The following ECHDC1 variants were observed in gnomAD, a reference collection of about 807,000 sequenced individuals.
ECHDC1 encodes the protein ethylmalonyl-CoA decarboxylase 1, also known as ethylmalonyl-CoA decarboxylase.
In ECHDC1, 29 loss-of-function variants were observed where a neutral mutation model predicts 29.7. The observed-to-expected ratio is 0.98, with a 90% confidence interval of 0.73 to 1.33. The LOEUF (loss-of-function observed/expected upper bound fraction) is 1.33. Among genes scored for constraint, ECHDC1 ranks in the 40% most tolerant of loss-of-function variants. The pLI is 0.00. For synonymous variants in ECHDC1, 126 were observed against 123.1 expected, an observed-to-expected ratio of 1.02 and a Z score of -0.15; for missense variants, 328 against 350.0, an observed-to-expected ratio of 0.94 and a Z score of 0.50.
rs1481637748 is a variant in ECHDC1, at chr6:127,343,547, C to G, written c.-214G>C. 6.6e-6 allele frequency: 1 copy of G among 152,208 alleles called. No individual in the cohort carries two copies. Among genetic ancestry groups the G allele is most frequent in the Non-Finnish European group, 1.5e-5 (1 of 68,112 alleles). The allele number at this position is 152,208 out of a possible 1,614,324, so 9.4% of individuals were successfully genotyped here. The stretch of plus-strand genomic sequence containing the variant: ...TTTATCCCGTTCCCCTGCCGGTTCC[C>G]GTGACCCCGGAAATCCCGCTCCTGC... On this transcript the variant is annotated 5_prime_UTR_variant, in exon 1 of 6. Coordinates refer to ENST00000454859, the MANE Select transcript of ECHDC1 (RefSeq NM_001002030.2).
intron 5 of ECHDC1, among the ~76,000 whole-genome samples, chr6:127,303,207 T>A (rs1447369435): frequency 6.6e-6 from 1 of 151,962 alleles, no homozygotes; most frequent in Non-Finnish European, 1.5e-5. Context: ...TTTCTACTAC[T>A]ATATGATGCC....
chr6:127,319,192 C>T (rs933232115), intron 3 of ECHDC1, among the ~76,000 whole-genome samples: 4 of 152,186 alleles, frequency 2.6e-5, no homozygotes, highest in Non-Finnish European at 5.9e-5. Flanking sequence ...GTTAGGAGCA[C>T]AGTTTCTAAA....
intron 1 of ECHDC1, among the ~76,000 whole-genome samples, chr6:127,331,616 A>G (rs1430463511): frequency 6.6e-6 from 1 of 152,212 alleles, no homozygotes; most frequent in African/African-American, 2.4e-5. Context: ...ACAATAGGAA[A>G]GCTTAGAAAA....
Position 127,289,949 on chromosome 6 carries a change from C to T in ECHDC1, c.826G>A (p.Glu276Lys), listed in dbSNP as rs776479974. The T allele has an allele frequency of 4.3e-6, 7 of 1,613,520 alleles. No homozygotes were observed. In the East Asian group the frequency reaches 8.9e-5, roughly 21 times the overall value. ...ELYLEEALQN[E>K]RDLLGTVWGG... ...CAAACTGTTCCTAAAAGATCTCTTTCGTTCTGTAATGCTTCCTCCAAATAT... is the reference window on the plus strand; with the variant it reads ...CAAACTGTTCCTAAAAGATCTCTTTTGTTCTGTAATGCTTCCTCCAAATAT... Residue 276 changes from glutamate to lysine, a missense_variant, in exon 6 of 6, where the codon GAA becomes AAA. Physicochemically the swap from Glu to Lys is moderately conservative, Grantham distance 56. Transcript: ENST00000454859.
chr6:127,303,000 C>T (rs1197986105), intron 5 of ECHDC1, among the ~76,000 whole-genome samples: 2 of 151,964 alleles, frequency 1.3e-5, no homozygotes, highest in Non-Finnish European at 2.9e-5. Flanking sequence ...CATTATTGAA[C>T]ACTAGTTTTC....
chr6:127,328,954 G>A (rs868040409), intron 2 of ECHDC1, among the ~76,000 whole-genome samples: 12 of 152,100 alleles, frequency 7.9e-5, no homozygotes, highest in Middle Eastern at 3.2e-3. Context: ...GTAAACCCGG[G>A]AGGCAGAGCT....
intron 5 of ECHDC1, among the ~76,000 whole-genome samples, chr6:127,293,594 A>T (rs992754612): frequency 6.6e-6 from 1 of 152,222 alleles, no homozygotes; most frequent in African/African-American, 2.4e-5. Flanking sequence ...TATGTACTCC[A>T]CAATTCTTTT....
chr6:127,319,045 A>G (rs9285460), intron 3 of ECHDC1, among the ~76,000 whole-genome samples: 111,140 of 152,184 alleles, frequency 0.73, 40,773 homozygotes, highest in East Asian at 0.78. Flanking sequence ...TTTAGATTAC[A>G]TAAAATTCCA....
chr6:127,329,922 T>TCAC (rs904328454), intron 2 of ECHDC1: 21 of 453,842 alleles, frequency 4.6e-5, no homozygotes, highest in Admixed American at 1.9e-4. Context: ...GTTTAAAGAC[T>TCAC]CACCACTGGT....
At position 127,307,648 on chromosome 6, in the gene ECHDC1, G is replaced by GAAAAAAAA. The variant is rs71024770; in HGVS notation, c.497+7160_497+7167dup. Reference sequence around the variant, plus strand: ...GGTGACAGAGTGATACTCTGTCTCAGAAAAAAAAAAAAAAGACAGAAAGAA... The same window carrying GAAAAAAAA: ...GGTGACAGAGTGATACTCTGTCTCAGAAAAAAAAAAAAAAAAAAAAAAGACAGAAAGAA... On this transcript the variant is annotated intron_variant, in intron 5 of 5. Coordinates refer to ENST00000454859, the MANE Select transcript of ECHDC1 (RefSeq NM_001002030.2). 8.3e-3 allele frequency among the ~76,000 whole-genome samples: 402 copies of GAAAAAAAA among 48,606 alleles called. 27 individuals are homozygous for GAAAAAAAA. The highest frequency in any genetic ancestry group is 0.025 in the African/African-American group (379 of 15,044). The allele number at this position is 48,606 out of a possible 152,430, so 31.9% of individuals were successfully genotyped here.
At chr6:127,325,874 T>C (rs1002431547) in intron 3 of ECHDC1, among the ~76,000 whole-genome samples, 2 of 152,052 alleles carry the variant, frequency 1.3e-5, no homozygotes, top group African/African-American at 2.4e-5. Context: ...CTAATTTTTT[T>C]AATTTTTTGG....
rs575569919 is a variant in ECHDC1, at chr6:127,332,204, C to T, written c.-2-1174G>A. On this transcript the variant is annotated intron_variant, in intron 1 of 5. Coordinates refer to ENST00000454859, the MANE Select transcript of ECHDC1 (RefSeq NM_001002030.2). ...AAAAGTAACTTCTTGACTTCTAATACACGAGATTACTTTTGAACTTTATAT... is the reference window on the plus strand; with the variant it reads ...AAAAGTAACTTCTTGACTTCTAATATACGAGATTACTTTTGAACTTTATAT... 2.1e-4 allele frequency among the ~76,000 whole-genome samples: 32 copies of T among 152,256 alleles called. No homozygotes were observed. In the South Asian group the frequency reaches 6.4e-3, roughly 31 times the overall value.
At chr6:127,304,139 C>CG (rs142030597) in intron 5 of ECHDC1, among the ~76,000 whole-genome samples, 1 of 152,154 alleles carries the variant, frequency 6.6e-6, no homozygotes, top group Non-Finnish European at 1.5e-5. Flanking sequence ...GTCCTAGTGG[C>CG]GGTGGCCATA....
At chr6:127,303,470 C>T (rs1204741435) in intron 5 of ECHDC1, among the ~76,000 whole-genome samples, 1 of 152,158 alleles carries the variant, frequency 6.6e-6, no homozygotes. Flanking sequence ...AAACCAGCCA[C>T]AGCATTTCCT....
intron 5 of ECHDC1, among the ~76,000 whole-genome samples, chr6:127,293,619 T>A (rs980979671): frequency 6.6e-6 from 1 of 152,198 alleles, no homozygotes; most frequent in Non-Finnish European, 1.5e-5. Flanking sequence ...ATAGAGTGTG[T>A]CTGTATGTTT....
At chr6:127,295,220 G>C (rs569131725) in intron 5 of ECHDC1, among the ~76,000 whole-genome samples, 1 of 152,134 alleles carries the variant, frequency 6.6e-6, no homozygotes, top group South Asian at 2.1e-4. Context: ...AAGTGCAAAA[G>C]GCTACCTTGT....
intron 2 of ECHDC1, 43 bp downstream of exon 2, chr6:127,330,766 T>G (rs368045759): frequency 3.9e-6 from 6 of 1,542,688 alleles, no homozygotes; most frequent in South Asian, 1.1e-5. Flanking sequence ...GATAACAGTT[T>G]AGATTTAGTG....
At chr6:127,298,863 G>T (rs1780824033) in intron 5 of ECHDC1, among the ~76,000 whole-genome samples, 1 of 151,766 alleles carries the variant, frequency 6.6e-6, no homozygotes, top group Non-Finnish European at 1.5e-5. Context: ...AATGGTTCGG[G>T]TATTTACTGT....
intron 5 of ECHDC1, among the ~76,000 whole-genome samples, chr6:127,297,704 A>T (rs1489594835): frequency 6.6e-6 from 1 of 152,224 alleles, no homozygotes; most frequent in African/African-American, 2.4e-5. Context: ...ACCTGCAGTT[A>T]AACAAACAAG....
Sources: allele counts gnomAD v4.1 joint callset (sites outside exome capture counted in the v4.1 genomes callset), GRCh38; gene constraint gnomAD v4.1.1; transcripts MANE v1.5; gene names NCBI Gene and HGNC (gene_info 2026-07-23, HGNC 2026-07-21).